Variants in ZNF827 observed in about 807,000 individuals in gnomAD.
The protein encoded by ZNF827 is zinc finger protein 827.
ZNF827 carries 13 observed loss-of-function variants against 102.4 expected under a neutral mutation model. The ratio of observed to expected loss-of-function variants is 0.13; its 90% CI spans 0.08 to 0.20. ZNF827 has a LOEUF of 0.20. Among genes scored for constraint, ZNF827 ranks in the 10% least tolerant of loss-of-function variants. The pLI, the probability that ZNF827 is intolerant of heterozygous loss-of-function variation, is 1.00. For missense variants in ZNF827, 1,103 were observed against 1,344.4 expected, an observed-to-expected ratio of 0.82 and a Z score of 2.81; for synonymous variants, 523 against 536.2, an observed-to-expected ratio of 0.98 and a Z score of 0.34.
chr4:145,835,470 C>G (rs971195958), intron 7 of ZNF827, among the ~76,000 whole-genome samples: 64 of 149,774 alleles, frequency 4.3e-4, no homozygotes, highest in African/African-American at 1.5e-3. Context: ...TTAAGCACTC[C>G]TTTTTAGTTA....
chr4:145,918,508 CAA>C (rs369146146), intron 1 of ZNF827, among the ~76,000 whole-genome samples: 13 of 132,196 alleles, frequency 9.8e-5, no homozygotes, highest in Admixed American at 7.6e-5. Context: ...GACCCAGTCT[CAA>C]AAAAAAAAAA....
chr4:145,865,340 G>C (rs1041135645), intron 5 of ZNF827, among the ~76,000 whole-genome samples: 21 of 152,312 alleles, frequency 1.4e-4, no homozygotes, highest in African/African-American at 4.3e-4. Flanking sequence ...ATTTAATAGA[G>C]CTTTGTTCTC....
intron 8 of ZNF827, among the ~76,000 whole-genome samples, chr4:145,815,594 C>G (rs1473377750): frequency 2.0e-5 from 3 of 152,028 alleles, no homozygotes; most frequent in Non-Finnish European, 4.4e-5. Flanking sequence ...ATCCTGGTTA[C>G]CAGAGGGCAG....
chr4:145,915,172 G>A (rs1385944176), intron 1 of ZNF827, among the ~76,000 whole-genome samples: 3 of 152,216 alleles, frequency 2.0e-5, no homozygotes, highest in Non-Finnish European at 2.9e-5. Flanking sequence ...TCTTGGCCGG[G>A]TGTGGTAGCT....
At position 145,841,654 on chromosome 4, in the gene ZNF827, G is replaced by A. The variant is rs375649081; in HGVS notation, c.2279+4302C>T. On this transcript the variant is annotated intron_variant, in intron 7 of 14. Transcript: ENST00000508784. Reference sequence around the variant, plus strand: ...TTTTCTAGACTCTGAGGTTAAACAAGGAAAAAGACTGCTGTTTTAGCATTT... The same window carrying A: ...TTTTCTAGACTCTGAGGTTAAACAAAGAAAAAGACTGCTGTTTTAGCATTT... Among the ~76,000 whole-genome samples, 215 of 152,268 alleles carry A rather than the reference G, an allele frequency of 1.4e-3. 6 individuals carry two copies. In the South Asian group the frequency reaches 0.026, roughly 19 times the overall value.
intron 8 of ZNF827, among the ~76,000 whole-genome samples, chr4:145,782,925 T>A (rs756692586): frequency 6.6e-6 from 1 of 152,238 alleles, no homozygotes; most frequent in Non-Finnish European, 1.5e-5. Flanking sequence ...TGAAGCCCTA[T>A]CTCAGATTTT....
chr4:145,823,143 C>G (rs548896348), intron 8 of ZNF827, among the ~76,000 whole-genome samples: 34 of 152,212 alleles, frequency 2.2e-4, no homozygotes, highest in African/African-American at 7.7e-4. Context: ...TCAGGTTATA[C>G]TTCATTATTT....
At chr4:145,909,139 C>T (rs1752084546) in intron 1 of ZNF827, among the ~76,000 whole-genome samples, 1 of 152,092 alleles carries the variant, frequency 6.6e-6, no homozygotes, top group African/African-American at 2.4e-5. Flanking sequence ...AAAGGTAGAC[C>T]TTACCAACTA....
chr4:145,826,329 C>T (rs1297879525), intron 7 of ZNF827, among the ~76,000 whole-genome samples: 3 of 152,208 alleles, frequency 2.0e-5, no homozygotes, highest in Non-Finnish European at 4.4e-5. Flanking sequence ...TTAAAGTTCT[C>T]AGTACATAGT....
intron 3 of ZNF827, 21 bp downstream of exon 3, chr4:145,892,222 T>C: frequency 6.3e-7 from 1 of 1,588,338 alleles, no homozygotes; most frequent in Non-Finnish European, 8.6e-7. Context: ...CTCCAGGAGG[T>C]GCAGTCGGTA....
intron 11 of ZNF827, among the ~76,000 whole-genome samples, chr4:145,766,322 G>A (rs756034581): frequency 2.6e-5 from 4 of 152,118 alleles, no homozygotes; most frequent in South Asian, 2.1e-4. Flanking sequence ...TCAAGAGAGC[G>A]CGTCAGGGAC....
At position 145,918,464 on chromosome 4, in the gene ZNF827, G is replaced by A. The variant is rs1393808487; in HGVS notation, c.44-15249C>T. 3.5e-5 allele frequency among the ~76,000 whole-genome samples: 5 copies of A among 143,040 alleles called. No individual in the cohort carries two copies. The Admixed American group carries it at 3.6e-4, about 10-fold the overall frequency. The allele number at this position is 143,040 out of a possible 152,430, so 93.8% of individuals were successfully genotyped here. A position where few individuals can be genotyped will look rare whatever the true frequency, so the allele number is the denominator to read the frequency against. Reference sequence around the variant, plus strand: ...TCTAAAACAGCGATGAGCTAAGATTGCACCACTGCACTCCAGCCTGGGCAA... The same window carrying A: ...TCTAAAACAGCGATGAGCTAAGATTACACCACTGCACTCCAGCCTGGGCAA... On this transcript the variant is annotated intron_variant, in intron 1 of 14. Coordinates refer to ENST00000508784, the MANE Select transcript of ZNF827 (RefSeq NM_001306215.2).
intron 7 of ZNF827, among the ~76,000 whole-genome samples, chr4:145,826,869 C>T (rs1215761124): frequency 2.6e-5 from 4 of 152,106 alleles, no homozygotes; most frequent in African/African-American, 7.2e-5. Flanking sequence ...GCCTCAGCCT[C>T]CCAAGTAGCT....
At chr4:145,766,870 G>C (rs1166286718) in intron 11 of ZNF827, among the ~76,000 whole-genome samples, 1 of 152,136 alleles carries the variant, frequency 6.6e-6, no homozygotes, top group Non-Finnish European at 1.5e-5. Context: ...GTTAAACCTA[G>C]ATAAATCACT....
Position 145,762,124 on chromosome 4 carries a change from G to A in ZNF827, c.*18-526C>T, listed in dbSNP as rs1301784465. On this transcript the variant is annotated intron_variant, in intron 14 of 14. Coordinates refer to ENST00000508784, the MANE Select transcript of ZNF827 (RefSeq NM_001306215.2). This position sits in a 1 kb window ranked among gnomAD's most constrained non-coding sequence, Gnocchi z 4.9. ...CCTCCAGCAAACAGAAAGTCACAGG[G>A]GTCAGAATCGTGCTTATTAAGGGTT... Among the ~76,000 whole-genome samples, 4 of 152,128 alleles carry A rather than the reference G, an allele frequency of 2.6e-5. No homozygotes were observed. Among genetic ancestry groups the A allele is most frequent in the Non-Finnish European group, 5.9e-5 (4 of 68,014 alleles).
chr4:145,801,839 A>G (rs1437022043), intron 8 of ZNF827, among the ~76,000 whole-genome samples: 2 of 147,938 alleles, frequency 1.4e-5, no homozygotes, highest in Non-Finnish European at 3.0e-5. Flanking sequence ...TTCAATACGT[A>G]TGCTTTTAAA....
At chr4:145,893,190 CA>C (rs1750739176) in intron 2 of ZNF827, among the ~76,000 whole-genome samples, 1 of 152,146 alleles carries the variant, frequency 6.6e-6, no homozygotes, top group Non-Finnish European at 1.5e-5. Context: ...TTAAACAAAC[CA>C]ACTACCTCCT....
intron 1 of ZNF827, among the ~76,000 whole-genome samples, chr4:145,925,907 T>C (rs1753385865): frequency 6.6e-6 from 1 of 152,230 alleles, no homozygotes; most frequent in Admixed American, 6.5e-5. Context: ...TGCTGTTTCA[T>C]TTTTGGTTAG....
intron 4 of ZNF827, among the ~76,000 whole-genome samples, chr4:145,873,556 G>C (rs984761507): frequency 6.6e-6 from 1 of 152,198 alleles, no homozygotes; most frequent in African/African-American, 2.4e-5. Flanking sequence ...CATTACTAAA[G>C]GAGGAGTCCA....
Sources: gnomAD v4.1 joint callset for allele counts (sites outside exome capture counted in the v4.1 genomes callset) on GRCh38, gnomAD v4.1.1 for gene constraint, Gnocchi (gnomAD v3.1) non-coding constraint, MANE v1.5 for transcripts, NCBI Gene and HGNC (gene_info 2026-07-23, HGNC 2026-07-21) for gene names.